Variants in PRDM2 observed in about 807,000 individuals in gnomAD.
The protein encoded by PRDM2 is PR domain zinc finger protein 2.
In PRDM2, 30 loss-of-function variants were observed where a neutral mutation model predicts 130.0. The ratio of observed to expected loss-of-function variants is 0.23; its 90% CI spans 0.17 to 0.31. The LOEUF is 0.31. Ranked by LOEUF, PRDM2 falls within the 10% of genes least tolerant of loss-of-function variation. The pLI, the probability that PRDM2 is intolerant of heterozygous loss-of-function variation, is 1.00. For synonymous variants in PRDM2, 871 were observed against 782.4 expected (o/e 1.11, Z -1.89); for missense variants, 2,011 against 2,108.4 (o/e 0.95, Z 0.90).
chr1:13,786,663 A>T, intron 8 of PRDM2: 1 of 1,528,066 alleles, frequency 6.5e-7, no homozygotes, highest in Non-Finnish European at 8.8e-7. Context: ...AAATCCTAAC[A>T]TTCAGCTGAT....
chr1:13,783,050 C>G, intron 8 of PRDM2: 1 of 1,086,498 alleles, frequency 9.2e-7, no homozygotes, highest in East Asian at 2.8e-5. Context: ...AGCAGTGCCA[C>G]TTCTTTAATG....
intron 8 of PRDM2, among the ~76,000 whole-genome samples, chr1:13,788,568 C>T (rs1644787693): frequency 6.6e-6 from 1 of 152,186 alleles, no homozygotes; most frequent in East Asian, 1.9e-4. Context: ...TCTGTCACTC[C>T]TCAGGGAAAG....
At position 13,782,096 on chromosome 1, in the gene PRDM2, T is replaced by C; in HGVS notation, c.4301T>C (p.Leu1434Pro). ...AATCAGCTAGTACAGAAAGCAATTC[T>C]TCAGAAAAACAAATCTGCAAAGCAG... Reference protein sequence around the residue: ...KKNQLVQKAILQKNKSAKQKA... With the variant: ...KKNQLVQKAIPQKNKSAKQKA... The change falls in exon 8 of 10, where the codon CTT (leucine) becomes CCT (proline). Residue 1434 changes from leucine (L) to proline (P), a missense_variant. Leu to Pro is a moderately conservative substitution (Grantham distance 98). This residue lies in a region of PRDM2 where 410 missense variants were observed against 395.9 expected (regional missense o/e 1.04). Coordinates refer to ENST00000311066, the MANE Select transcript of PRDM2 (RefSeq NM_001393986.1). 11 of 1,614,018 alleles carry C rather than the reference T, an allele frequency of 6.8e-6. 1 individual carries two copies. The highest frequency in any genetic ancestry group is 8.5e-6 in the Non-Finnish European group (10 of 1,180,014).
chr1:13,798,451 T>G (rs552579215), intron 8 of PRDM2, among the ~76,000 whole-genome samples: 1 of 149,898 alleles, frequency 6.7e-6, no homozygotes. Flanking sequence ...GAATGCATAA[T>G]GAAAGCCAAT....
chr1:13,785,919 A>T (rs1281775269), intron 8 of PRDM2, among the ~76,000 whole-genome samples: 2 of 150,092 alleles, frequency 1.3e-5, no homozygotes, highest in Admixed American at 1.3e-4. Flanking sequence ...GCTCACTGCA[A>T]GCTCTGCCTC....
intron 6 of PRDM2, among the ~76,000 whole-genome samples, chr1:13,758,547 T>A (rs1248111735): frequency 6.6e-6 from 1 of 152,148 alleles, no homozygotes; most frequent in Non-Finnish European, 1.5e-5. Context: ...TGCTTTCAAT[T>A]TTCAAAGGTC....
chr1:13,708,281 A>G (rs1642267961), intron 1 of PRDM2, among the ~76,000 whole-genome samples: 1 of 152,032 alleles, frequency 6.6e-6, no homozygotes, highest in Non-Finnish European at 1.5e-5. Flanking sequence ...CTTTCCTAGC[A>G]TATCAGCAGG....
Position 13,786,370 on chromosome 1 carries a change from G to A in PRDM2, c.5036+3539G>A, listed in dbSNP as rs577976127. On this transcript the variant is annotated intron_variant, in intron 8 of 9. Coordinates refer to ENST00000311066, the MANE Select transcript of PRDM2 (RefSeq NM_001393986.1). ...GCAGGGTGTGTCTTCTGGGTAGGAC[G>A]CTCGTTCCTAAATGCCTTCAGTCAT... 945 of 1,076,960 alleles carry A rather than the reference G, an allele frequency of 8.8e-4. 3 individuals are homozygous for A. Among genetic ancestry groups the A allele is most frequent in the Non-Finnish European group, 1.2e-3 (881 of 754,364 alleles). The allele number at this position is 1,076,960 out of a possible 1,614,324, so 66.7% of individuals were successfully genotyped here.
intron 1 of PRDM2, among the ~76,000 whole-genome samples, chr1:13,706,506 T>C (rs1642214651): frequency 6.6e-6 from 1 of 152,030 alleles, no homozygotes; most frequent in Non-Finnish European, 1.5e-5. Flanking sequence ...TGGAATAGGG[T>C]GTGGAATAGG....
chr1:13,815,032 G>A (rs1645234732), intron 8 of PRDM2, among the ~76,000 whole-genome samples: 1 of 152,178 alleles, frequency 6.6e-6, no homozygotes, highest in Admixed American at 6.5e-5. Flanking sequence ...GTTTGTGTAT[G>A]GAAAATACCT....
intron 6 of PRDM2, among the ~76,000 whole-genome samples, chr1:13,764,186 G>A (rs936396902): frequency 2.0e-5 from 3 of 152,126 alleles, no homozygotes; most frequent in African/African-American, 7.2e-5. Context: ...GGGTTGCCAG[G>A]TACTGGAAAT....
At chr1:13,818,528 G>A (rs1272298202) in intron 9 of PRDM2, among the ~76,000 whole-genome samples, 8 of 147,968 alleles carry the variant, frequency 5.4e-5, no homozygotes, top group African/African-American at 1.0e-4. Context: ...ACAGGCACCC[G>A]CCACTACTCC....
rs949292064 is a variant in PRDM2 at position 13,771,448 on chromosome 1, T to G, written c.512-1630T>G. 2.0e-5 allele frequency among the ~76,000 whole-genome samples: 3 copies of G among 152,198 alleles called. No individual in the cohort carries two copies. Among genetic ancestry groups the G allele is most frequent in the African/African-American group, 7.2e-5 (3 of 41,452 alleles). On this transcript the variant is annotated intron_variant, in intron 6 of 9. Coordinates refer to ENST00000311066, the MANE Select transcript of PRDM2 (RefSeq NM_001393986.1). This position sits in a 1 kb window ranked among gnomAD's most constrained non-coding sequence, Gnocchi z 4.1. ...CCTATGGGCTGAAGAATTAGGTATG[T>G]AGGCCGGGCACGGTGGCTCATGCCT... is the stretch of plus-strand genomic sequence containing the variant.
rs1569649475 is a variant in PRDM2, at chr1:13,705,008, GCT to G, written c.-66+4711_-66+4712del. 3 of 152,160 alleles carry G rather than the reference GCT, an allele frequency of 2.0e-5. No homozygotes were observed. In the East Asian group the frequency reaches 5.8e-4, roughly 29 times the overall value. The allele number at this position is 152,160 out of a possible 1,614,324, so 9.4% of individuals were successfully genotyped here. ...ATAAATTTAGATTCTTAATTGTGAA[GCT>G]CTGTTACCACTTGTTAGAAGGCAGG... is the stretch of plus-strand genomic sequence containing the variant. On this transcript the variant is annotated intron_variant, in intron 1 of 9. Transcript: ENST00000311066.
At chr1:13,756,860 A>G (rs1643968059) in intron 6 of PRDM2, among the ~76,000 whole-genome samples, 1 of 152,222 alleles carries the variant, frequency 6.6e-6, no homozygotes, top group South Asian at 2.1e-4. Context: ...AATCCTGCGA[A>G]GTTGAGATCC....
chr1:13,724,381 T>G (rs1642837290), intron 2 of PRDM2, among the ~76,000 whole-genome samples: 1 of 152,338 alleles, frequency 6.6e-6, no homozygotes, highest in Non-Finnish European at 1.5e-5. Context: ...TTGTGCCTGT[T>G]TGGGGAAAGC....
chr1:13,777,041 C>G (rs958731484), intron 7 of PRDM2, among the ~76,000 whole-genome samples: 1 of 152,158 alleles, frequency 6.6e-6, no homozygotes, highest in Non-Finnish European at 1.5e-5. Context: ...AACTTTAGCA[C>G]GTCTGAAGTA....
At chr1:13,715,301 C>G (rs1000368309) in intron 1 of PRDM2, among the ~76,000 whole-genome samples, 1 of 152,194 alleles carries the variant, frequency 6.6e-6, no homozygotes, top group African/African-American at 2.4e-5. Context: ...TGATGTCCTC[C>G]TAATGAGTCC....
At chr1:13,766,429 T>A (rs1327943865) in intron 6 of PRDM2, among the ~76,000 whole-genome samples, 1 of 152,182 alleles carries the variant, frequency 6.6e-6, no homozygotes, top group East Asian at 1.9e-4. Flanking sequence ...CCTGAAGAAC[T>A]GTTGGGTTTT....
Sources: allele counts gnomAD v4.1 joint callset (sites outside exome capture counted in the v4.1 genomes callset), GRCh38; gene constraint gnomAD v4.1.1; regional missense constraint gnomAD v4.1.1; non-coding constraint Gnocchi (gnomAD v3.1); transcripts MANE v1.5; gene names NCBI Gene and HGNC (gene_info 2026-07-23, HGNC 2026-07-21).